Variants in TCF4 observed in about 807,000 individuals in gnomAD.
TCF4 encodes the protein transcription factor 4.
In TCF4, 3 loss-of-function variants were observed where a neutral mutation model predicts 82.1. The ratio of observed to expected loss-of-function variants is 0.04; its 90% CI spans 0.02 to 0.09. TCF4 has a LOEUF of 0.09. Ranked by LOEUF, TCF4 falls within the 10% of genes least tolerant of loss-of-function variation. The pLI is 1.00. For missense variants in TCF4, 518 were observed against 852.7 expected (o/e 0.61, Z 4.89); for synonymous variants, 276 against 309.6 (o/e 0.89, Z 1.14).
chr18:55,510,109 C>A (rs914958912), intron 3 of TCF4, among the ~76,000 whole-genome samples: 1 of 129,788 alleles, frequency 7.7e-6, no homozygotes, highest in African/African-American at 4.0e-5. Context: ...AAGTCTCCCC[C>A]TGATGTTCTA....
chr18:55,446,985 A>AG (rs1232798491), intron 5 of TCF4, among the ~76,000 whole-genome samples: 2 of 65,488 alleles, frequency 3.1e-5, no homozygotes, highest in East Asian at 7.2e-4. Context: ...ACTCTGTCTC[A>AG]AAAAAAAAAA....
At chr18:55,310,051 G>A (rs1191628978) in intron 8 of TCF4, among the ~76,000 whole-genome samples, 2 of 152,106 alleles carry the variant, frequency 1.3e-5, no homozygotes, top group Non-Finnish European at 2.9e-5. Flanking sequence ...TACAGACAAC[G>A]CTGTACAATA....
chr18:55,618,709 C>A (rs2097714623), intron 2 of TCF4, among the ~76,000 whole-genome samples: 1 of 151,706 alleles, frequency 6.6e-6, no homozygotes, highest in African/African-American at 2.4e-5. Flanking sequence ...AGCGTCATAA[C>A]TAACTGGGAC....
rs1182405539 is a variant in TCF4, at chr18:55,269,888, T to C, written c.865A>G (p.Asn289Asp). 6.2e-7 allele frequency: 1 copy of C among 1,613,252 alleles called. No homozygotes were observed. The highest frequency in any genetic ancestry group is 1.3e-5 in the African/African-American group (1 of 74,872). Residue 289 changes from asparagine to aspartate, a missense_variant, in exon 11 of 20, where the codon AAC becomes GAC. Physicochemically the swap from Asn to Asp is conservative, Grantham distance 23 (BLOSUM62 1). Around this residue, in one of 7 missense-constraint regions of TCF4, gnomAD observed 211 missense variants for 327.4 expected, o/e 0.64. Transcript: ENST00000354452. ...PMSTFHRSGT[N>D]HYSTSSCTPP... Reference sequence around the variant, plus strand: ...GTACAGGAAGAGGTGCTGTAATGGTTTGTACCACTACGATGGAAAGTGGAC... The same window carrying C: ...GTACAGGAAGAGGTGCTGTAATGGTCTGTACCACTACGATGGAAAGTGGAC...
At chr18:55,347,276 T>A (rs1276164497) in intron 8 of TCF4, among the ~76,000 whole-genome samples, 1 of 152,046 alleles carries the variant, frequency 6.6e-6, no homozygotes, top group African/African-American at 2.4e-5. Context: ...GATAAAAATG[T>A]ACTGCAGTAA....
chr18:55,360,864 C>CTACA, intron 6 of TCF4, among the ~76,000 whole-genome samples: 1 of 151,396 alleles, frequency 6.6e-6, no homozygotes, highest in Non-Finnish European at 1.5e-5. Flanking sequence ...AGTAGCTGGG[C>CTACA]TACAGGTGCA....
intron 2 of TCF4, chr18:55,586,245 T>C: frequency 1.0e-6 from 1 of 977,752 alleles, no homozygotes; most frequent in Non-Finnish European, 1.5e-6. Flanking sequence ...GAGCCCCACT[T>C]GGAAGGCGGT....
intron 5 of TCF4, among the ~76,000 whole-genome samples, chr18:55,425,053 A>G (rs2094922657): frequency 6.6e-6 from 1 of 152,238 alleles, no homozygotes; most frequent in Non-Finnish European, 1.5e-5. Flanking sequence ...ACTAAGAACA[A>G]GAAAAAGTTT....
chr18:55,319,283 C>T (rs1167126420), intron 8 of TCF4, among the ~76,000 whole-genome samples: 1 of 152,146 alleles, frequency 6.6e-6, no homozygotes, highest in African/African-American at 2.4e-5. Flanking sequence ...ATGTCTGGCA[C>T]CAAATCAAAA....
intron 5 of TCF4, among the ~76,000 whole-genome samples, chr18:55,433,766 G>A (rs969097062): frequency 4.6e-5 from 7 of 152,114 alleles, no homozygotes; most frequent in Admixed American, 1.3e-4. Flanking sequence ...TGGCTCCCCA[G>A]GCTTTTCACT....
chr18:55,411,522 G>A (rs1489366653), intron 5 of TCF4, among the ~76,000 whole-genome samples: 2 of 152,116 alleles, frequency 1.3e-5, no homozygotes, highest in African/African-American at 2.4e-5. Context: ...TCAAAAGCAC[G>A]CAGAAATAAA....
intron 2 of TCF4, among the ~76,000 whole-genome samples, chr18:55,594,057 T>C (rs1211109723): frequency 6.6e-6 from 1 of 152,166 alleles, no homozygotes; most frequent in Non-Finnish European, 1.5e-5. Flanking sequence ...GCAACAGGGA[T>C]GGGGAGAGCT....
chr18:55,556,824 G>A (rs1486672445), intron 3 of TCF4, among the ~76,000 whole-genome samples: 2 of 152,118 alleles, frequency 1.3e-5, no homozygotes, highest in Non-Finnish European at 2.9e-5. Context: ...TGAGCATTTA[G>A]CATCTACAAA....
chr18:55,243,263 A>T (rs1485294910), intron 15 of TCF4, among the ~76,000 whole-genome samples: 2 of 152,240 alleles, frequency 1.3e-5, no homozygotes, highest in Non-Finnish European at 2.9e-5. Flanking sequence ...ATGTGTTTTC[A>T]TATTGTCAGA....
At chr18:55,343,115 T>A (rs2080372166) in intron 8 of TCF4, among the ~76,000 whole-genome samples, 1 of 152,140 alleles carries the variant, frequency 6.6e-6, no homozygotes, top group Non-Finnish European at 1.5e-5. Flanking sequence ...ACTTTTTGTA[T>A]GTGTATGTGA....
chr18:55,322,118 T>G (rs556415435), intron 8 of TCF4: 24,389 of 1,068,684 alleles, frequency 0.023, 225 homozygotes, highest in Middle Eastern at 0.029. Context: ...TTTTTTTTTT[T>G]TTTTGTTTTG....
intron 8 of TCF4, among the ~76,000 whole-genome samples, chr18:55,304,045 A>T (rs2069299328): frequency 6.6e-6 from 1 of 152,232 alleles, no homozygotes; most frequent in African/African-American, 2.4e-5. Flanking sequence ...AACCAGTGAA[A>T]TCCAAAGAGT....
chr18:55,569,958 A>G (rs2097446700), intron 3 of TCF4, among the ~76,000 whole-genome samples: 3 of 152,296 alleles, frequency 2.0e-5, no homozygotes, highest in African/African-American at 4.8e-5. Flanking sequence ...TCAAATGTGT[A>G]CATATGGGAC....
At chr18:55,541,496 C>T (rs753633749) in intron 3 of TCF4, among the ~76,000 whole-genome samples, 1 of 151,994 alleles carries the variant, frequency 6.6e-6, no homozygotes, top group African/African-American at 2.4e-5. Context: ...GATGCTACAA[C>T]ATTAGATTTT....
Sources: allele counts gnomAD v4.1 joint callset (sites outside exome capture counted in the v4.1 genomes callset), GRCh38; gene constraint gnomAD v4.1.1; regional missense constraint gnomAD v4.1.1; transcripts MANE v1.5; gene names NCBI Gene and HGNC (gene_info 2026-07-23, HGNC 2026-07-21).